The following GMEB2 variants were observed in gnomAD, a reference collection of about 807,000 sequenced individuals.
GMEB2 encodes the protein glucocorticoid modulatory element-binding protein 2.
GMEB2 carries 7 observed loss-of-function variants against 45.7 expected under a neutral mutation model. The observed-to-expected ratio is 0.15, with a 90% confidence interval of 0.09 to 0.29. The LOEUF is 0.29. GMEB2 is among the 10% of genes least tolerant of loss of function. GMEB2 has a pLI of 1.00. For synonymous variants in GMEB2, 322 were observed against 323.6 expected, an observed-to-expected ratio of 1.00 and a Z score of 0.05; for missense variants, 582 against 739.2, an observed-to-expected ratio of 0.79 and a Z score of 2.47.
At chr20:63,609,411 C>G (rs747395067) in intron 2 of GMEB2, among the ~76,000 whole-genome samples, 5,449 of 114,640 alleles carry the variant, frequency 0.048, 172 homozygotes, top group East Asian at 0.17. Context: ...ACATGCCCCT[C>G]TGACCCCACC....
chr20:63,614,437 C>A (rs13041830), intron 2 of GMEB2, among the ~76,000 whole-genome samples: 1 of 151,694 alleles, frequency 6.6e-6, no homozygotes, highest in Non-Finnish European at 1.5e-5. Flanking sequence ...TCTGGGAAGA[C>A]GCCCGTTGCC....
At chr20:63,615,630 T>C (rs2089603048) in intron 2 of GMEB2, among the ~76,000 whole-genome samples, 1 of 152,016 alleles carries the variant, frequency 6.6e-6, no homozygotes, top group Non-Finnish European at 1.5e-5. Flanking sequence ...CTGGCCAACA[T>C]AGGAAGAAAT....
Position 63,593,161 on chromosome 20 carries a change from A to C in GMEB2, c.620-79T>G. Reference sequence around the variant, plus strand: ...CCCACATACCCTGTCCACCCTCCTCACACCACCTTCTGAACCTTTCCATCT... The same window carrying C: ...CCCACATACCCTGTCCACCCTCCTCCCACCACCTTCTGAACCTTTCCATCT... On this transcript the variant is annotated intron_variant, in intron 6 of 9. Coordinates refer to ENST00000370077, the MANE Select transcript of GMEB2 (RefSeq NM_012384.5). This position sits in a 1 kb window ranked among gnomAD's most constrained non-coding sequence, Gnocchi z 4.7. 1 of 817,872 alleles carries C rather than the reference A, an allele frequency of 1.2e-6. No individual in the cohort carries two copies. Among genetic ancestry groups the C allele is most frequent in the Non-Finnish European group, 2.1e-6 (1 of 474,388 alleles). The allele number at this position is 817,872 out of a possible 1,614,324, so 50.7% of individuals were successfully genotyped here. A position where few individuals can be genotyped will look rare whatever the true frequency, so the allele number is the denominator to read the frequency against.
chr20:63,619,508 C>A lies in GMEB2; in HGVS notation c.-57-54G>T. ...TGGAGTCATCTCCACATCCACACAA[C>A]ATAGCACTCACAAAGGCATCTCTAA... On this transcript the variant is annotated intron_variant, in intron 1 of 9. Transcript: ENST00000370077. This position sits in a 1 kb window ranked among gnomAD's most constrained non-coding sequence, Gnocchi z 4.6. The A allele has an allele frequency of 9.3e-7, 1 of 1,071,440 alleles. No individual in the cohort carries two copies. Among genetic ancestry groups the A allele is most frequent in the Non-Finnish European group, 1.3e-6 (1 of 747,038 alleles). The allele number at this position is 1,071,440 out of a possible 1,614,324, so 66.4% of individuals were successfully genotyped here.
At chr20:63,596,980 G>A (rs1393795427) in intron 5 of GMEB2, among the ~76,000 whole-genome samples, 2 of 151,504 alleles carry the variant, frequency 1.3e-5, no homozygotes, top group African/African-American at 4.9e-5. Context: ...TCATGCCACT[G>A]CACTCCAGCC....
At chr20:63,600,577 G>A (rs2083234645) in intron 4 of GMEB2, among the ~76,000 whole-genome samples, 1 of 151,664 alleles carries the variant, frequency 6.6e-6, no homozygotes, top group Non-Finnish European at 1.5e-5. Context: ...AATCAGCCAG[G>A]CATGGTGGTG....
At position 63,589,312 on chromosome 20, in the gene GMEB2, A is replaced by G. The variant is rs967709027; in HGVS notation, c.*777T>C. 7.5e-6 allele frequency: 3 copies of G among 398,236 alleles called. No homozygotes were observed. The highest frequency in any genetic ancestry group is 2.1e-5 in the African/African-American group (1 of 48,638). The allele number at this position is 398,236 out of a possible 1,614,324, so 24.7% of individuals were successfully genotyped here. On this transcript the variant is annotated 3_prime_UTR_variant, in exon 10 of 10. Coordinates refer to ENST00000370077, the MANE Select transcript of GMEB2 (RefSeq NM_012384.5). ...CCCAAAGAGCTAACTCGGGAAGCCT[A>G]GGCACTCACCATTATTTTGGTTGAA...
rs2083166733 is a variant in GMEB2 at position 63,593,363 on chromosome 20, C to T, written c.620-281G>A. 6.6e-6 allele frequency among the ~76,000 whole-genome samples: 1 copy of T among 152,084 alleles called. No homozygotes were observed. The highest frequency in any genetic ancestry group is 1.5e-5 in the Non-Finnish European group (1 of 68,028). ...TCAGCAAATCCTCAACACTTTCCTC[C>T]TCTTGTCCATTTACGATTGTACTCA... On this transcript the variant is annotated intron_variant, in intron 6 of 9. Transcript: ENST00000370077. The surrounding 1 kb of genome is among the most constrained non-coding windows in gnomAD (Gnocchi z 4.7).
intron 2 of GMEB2, among the ~76,000 whole-genome samples, chr20:63,612,264 C>G (rs1601027585): frequency 1.3e-5 from 2 of 152,356 alleles, no homozygotes; most frequent in African/African-American, 4.8e-5. Flanking sequence ...CTGGCCGCAT[C>G]TGGCCAAAGG....
At chr20:63,598,343 G>GACACACACAC (rs67747559) in intron 4 of GMEB2, among the ~76,000 whole-genome samples, 22,585 of 145,970 alleles carry the variant, frequency 0.15, 2,077 homozygotes, top group Middle Eastern at 0.27. Flanking sequence ...CTCTCACTCT[G>GACACACACAC]ACACACACAC....
At chr20:63,605,204 A>G (rs941272009) in intron 2 of GMEB2, among the ~76,000 whole-genome samples, 13 of 148,918 alleles carry the variant, frequency 8.7e-5, no homozygotes, top group African/African-American at 3.2e-4. Flanking sequence ...ACACCACTGC[A>G]CTCCAGCCTG....
At chr20:63,618,109 G>A (rs2146091284) in intron 2 of GMEB2, among the ~76,000 whole-genome samples, 1 of 152,344 alleles carries the variant, frequency 6.6e-6, no homozygotes, top group Middle Eastern at 3.4e-3. Context: ...AGAGTGGGGA[G>A]GTGTGGGGTG....
intron 1 of GMEB2, among the ~76,000 whole-genome samples, chr20:63,625,749 C>T (rs1189948799): frequency 6.6e-6 from 1 of 152,016 alleles, no homozygotes; most frequent in African/African-American, 2.4e-5. Context: ...AAGTGCACAC[C>T]ACCACGCCCG....
chr20:63,616,430 G>A (rs1350390110), intron 2 of GMEB2, among the ~76,000 whole-genome samples: 4 of 152,172 alleles, frequency 2.6e-5, no homozygotes, highest in African/African-American at 7.2e-5. Flanking sequence ...GGCAACAAGA[G>A]CGAGACTCCA....
chr20:63,612,572 G>A (rs927762471), intron 2 of GMEB2, among the ~76,000 whole-genome samples: 1 of 152,212 alleles, frequency 6.6e-6, no homozygotes, highest in Non-Finnish European at 1.5e-5. Flanking sequence ...CCTACCAAGA[G>A]GCAGTCTTAG....
intron 6 of GMEB2, among the ~76,000 whole-genome samples, chr20:63,595,353 TTATTA>T (rs1352732273): frequency 1.3e-5 from 2 of 152,090 alleles, no homozygotes; most frequent in African/African-American, 4.8e-5. Flanking sequence ...CACACGTGAG[TTATTA>T]TATTACAACC....
chr20:63,599,775 GCT>G (rs927304689), intron 4 of GMEB2, among the ~76,000 whole-genome samples: 1 of 152,164 alleles, frequency 6.6e-6, no homozygotes, highest in Non-Finnish European at 1.5e-5. Flanking sequence ...AGTCCAGGGA[GCT>G]CTCACACGTG....
In GMEB2 at chr20:63,619,710, G is replaced by A. The variant is rs970807620; in HGVS notation, c.-57-256C>T. On this transcript the variant is annotated intron_variant, in intron 1 of 9. Coordinates refer to ENST00000370077, the MANE Select transcript of GMEB2 (RefSeq NM_012384.5). This position sits in a 1 kb window ranked among gnomAD's most constrained non-coding sequence, Gnocchi z 4.6. Reference sequence around the variant, plus strand: ...GAAAGCACAGAGCCACTCCCTCCACGTGGGGCTCAGAGCAGGAGGACAGGA... The same window carrying A: ...GAAAGCACAGAGCCACTCCCTCCACATGGGGCTCAGAGCAGGAGGACAGGA... 9 of 203,842 alleles carry A rather than the reference G, an allele frequency of 4.4e-5. No individual in the cohort carries two copies. Among genetic ancestry groups the A allele is most frequent in the Non-Finnish European group, 9.0e-5 (9 of 100,298 alleles). The allele number at this position is 203,842 out of a possible 1,614,324, so 12.6% of individuals were successfully genotyped here.
intron 5 of GMEB2, among the ~76,000 whole-genome samples, chr20:63,597,556 C>G (rs535453466): frequency 6.6e-6 from 1 of 152,216 alleles, no homozygotes; most frequent in Non-Finnish European, 1.5e-5. Flanking sequence ...TTCTAAAAAT[C>G]TGATAGTGTC....
Sources: gnomAD v4.1 joint callset for allele counts (sites outside exome capture counted in the v4.1 genomes callset) on GRCh38, gnomAD v4.1.1 for gene constraint, Gnocchi (gnomAD v3.1) non-coding constraint, MANE v1.5 for transcripts, NCBI Gene and HGNC (gene_info 2026-07-23, HGNC 2026-07-21) for gene names.